WDCP: variants seen among roughly 807,000 people sequenced by gnomAD.
WDCP encodes WD repeat and coiled coil containing, also known as WD repeat and coiled-coil-containing protein.
WDCP carries 19 observed loss-of-function variants against 41.6 expected under a neutral mutation model. The ratio of observed to expected loss-of-function variants is 0.46; its 90% confidence interval spans 0.32 to 0.67. WDCP has a LOEUF of 0.67. Ranked by LOEUF, WDCP falls within the 30% of genes least tolerant of loss-of-function variation. The pLI is 0.04. For missense variants in WDCP, 802 were observed against 850.7 expected, an observed-to-expected ratio of 0.94 and a Z score of 0.71; for synonymous variants, 302 against 320.8, an observed-to-expected ratio of 0.94 and a Z score of 0.63.
In WDCP at chr2:24,029,574, T is replaced by G. The variant is rs1258373173; in HGVS notation, c.*1359A>C. The G allele has an allele frequency of 6.6e-6, 1 of 152,184 alleles. No individual in the cohort carries two copies. Among genetic ancestry groups the G allele is most frequent in the Non-Finnish European group, 1.5e-5 (1 of 68,024 alleles). The allele number at this position is 152,184 out of a possible 1,614,324, so 9.4% of individuals were successfully genotyped here. The stretch of plus-strand genomic sequence containing the variant: ...CTCTCCCACAGCTGATTACAGACAT[T>G]GCCTGTGCTTCCTACCCCAGCAGCT... On this transcript the variant is annotated 3_prime_UTR_variant, in exon 4 of 4. Coordinates refer to ENST00000295148, the MANE Select transcript of WDCP (RefSeq NM_025203.3).
intron 1 of WDCP, among the ~76,000 whole-genome samples, chr2:24,042,003 G>A (rs992384518): frequency 6.6e-6 from 1 of 152,000 alleles, no homozygotes; most frequent in African/African-American, 2.4e-5. Flanking sequence ...ACTGCCTCAG[G>A]AAAATTATAT....
chr2:24,044,143 C>A (rs10198429), intron 1 of WDCP, among the ~76,000 whole-genome samples: 128 of 152,246 alleles, frequency 8.4e-4, no homozygotes, highest in African/African-American at 3.0e-3. Flanking sequence ...CCAATTACAT[C>A]CAAGTCGATT....
At chr2:24,039,778 A>G (rs1663367519) in intron 1 of WDCP, among the ~76,000 whole-genome samples, 1 of 152,094 alleles carries the variant, frequency 6.6e-6, no homozygotes, top group South Asian at 2.1e-4. Context: ...ATATCAGAAA[A>G]TATTGTAGAG....
chr2:24,044,996 A>G (rs1663567425), intron 1 of WDCP, among the ~76,000 whole-genome samples: 2 of 152,316 alleles, frequency 1.3e-5, no homozygotes, highest in South Asian at 4.1e-4. Context: ...CTCTGATCAT[A>G]AAGGGCATGC....
At position 24,037,904 on chromosome 2, in the gene WDCP, G is replaced by T. The variant is rs775552056; in HGVS notation, c.1591C>A (p.Pro531Thr). The T allele has an allele frequency of 7.6e-5, 122 of 1,613,996 alleles. No individual in the cohort carries two copies. Among genetic ancestry groups the T allele is most frequent in the Admixed American group, 1.3e-4 (8 of 59,988 alleles). Residue 531 changes from proline to threonine, a missense_variant, in exon 2 of 4, where the codon CCA becomes ACA. This residue lies in a region of WDCP where 321 missense variants were observed against 305.1 expected (regional missense o/e 1.05). Coordinates refer to ENST00000295148, the MANE Select transcript of WDCP (RefSeq NM_025203.3). ...PASLPRHSST[P>T]DHTSTLEPPR... ...GGCTCCAGTGTGCTGGTGTGGTCTG[G>T]TGTGCTGCTGTGTCTGGGCAGCGAT...
rs375161885 is a variant in WDCP at position 24,037,626 on chromosome 2, C to T, written c.1818+51G>A. Reference sequence around the variant, plus strand: ...TCAATACGTTTCTTGCAGTACTCACCGGCTGCAGGAGCTTTTATGTATAGT... The same window carrying T: ...TCAATACGTTTCTTGCAGTACTCACTGGCTGCAGGAGCTTTTATGTATAGT... On this transcript the variant is annotated intron_variant, in intron 2 of 3. Coordinates refer to ENST00000295148, the MANE Select transcript of WDCP (RefSeq NM_025203.3). 8.2e-5 allele frequency: 124 copies of T among 1,519,192 alleles called. No individual in the cohort carries two copies. In the African/African-American group the frequency reaches 1.4e-3, roughly 17 times the overall value. The allele number at this position is 1,519,192 out of a possible 1,614,324, so 94.1% of individuals were successfully genotyped here.
At chr2:24,043,738 GAGTA>G (rs1663525013) in intron 1 of WDCP, among the ~76,000 whole-genome samples, 1 of 152,110 alleles carries the variant, frequency 6.6e-6, no homozygotes, top group African/African-American at 2.4e-5. Context: ...TTGTTTTACT[GAGTA>G]AGTGTCAAAG....
At chr2:24,040,557 T>TC (rs1663395095) in intron 1 of WDCP, among the ~76,000 whole-genome samples, 1 of 152,248 alleles carries the variant, frequency 6.6e-6, no homozygotes, top group African/African-American at 2.4e-5. Flanking sequence ...TACTTCTACT[T>TC]CATCTTATTC....
chr2:24,037,589 C>T (rs1663293341), intron 2 of WDCP, 88 bp downstream of exon 2: 22 of 1,356,884 alleles, frequency 1.6e-5, no homozygotes, highest in Non-Finnish European at 2.1e-5. Context: ...AGTTAGAGCA[C>T]CATCTTCCTC....
chr2:24,041,542 T>A (rs1303168997), intron 1 of WDCP, among the ~76,000 whole-genome samples: 3 of 152,046 alleles, frequency 2.0e-5, no homozygotes. Context: ...TAGCCAGGCA[T>A]GGTGGCTCAT....
chr2:24,031,628 C>T (rs1328092996), intron 3 of WDCP, among the ~76,000 whole-genome samples: 1 of 152,098 alleles, frequency 6.6e-6, no homozygotes, highest in East Asian at 1.9e-4. Context: ...AGATCGAGAC[C>T]ATCCTGGCTA....
Position 24,038,073 on chromosome 2 carries a change from T to C in WDCP, c.1422A>G (p.Gln474=), listed in dbSNP as rs184527844. The C allele has an allele frequency of 2.2e-5, 36 of 1,614,150 alleles. No homozygotes were observed. Among genetic ancestry groups the C allele is most frequent in the East Asian group, 2.2e-4 (10 of 44,886 alleles). ...IESLSPDFCH[Q]NKGLLLTVNT... ...TAACTGTCAGCAACAGCCCTTTGTT[T>C]TGGTGACAAAAATCTGGGGAAAGAC... Residue 474 remains glutamine (Q), a synonymous_variant, in exon 2 of 4, where the codon CAA becomes CAG. Transcript: ENST00000295148.
intron 3 of WDCP, among the ~76,000 whole-genome samples, chr2:24,031,363 A>G (rs902157594): frequency 6.6e-6 from 1 of 152,220 alleles, no homozygotes; most frequent in African/African-American, 2.4e-5. Flanking sequence ...AGGGGAAAAA[A>G]TGAAATGATA....
At chr2:24,032,633 A>G (rs1265096597) in intron 3 of WDCP, among the ~76,000 whole-genome samples, 196 bp downstream of exon 3, 1 of 152,010 alleles carries the variant, frequency 6.6e-6, no homozygotes, top group African/African-American at 2.4e-5. Context: ...GTGAGCTATG[A>G]TCACACCGAG....
chr2:24,034,492 T>G (rs1277161890), intron 2 of WDCP, among the ~76,000 whole-genome samples: 2 of 151,350 alleles, frequency 1.3e-5, no homozygotes, highest in Admixed American at 1.3e-4. Flanking sequence ...AATTCTATCC[T>G]CCAGAGATAA....
At chr2:24,034,194 G>A (rs1402874021) in intron 2 of WDCP, among the ~76,000 whole-genome samples, 2 of 152,108 alleles carry the variant, frequency 1.3e-5, no homozygotes, top group African/African-American at 4.8e-5. Flanking sequence ...GCCAAGGCGG[G>A]TGGATCACTT....
rs774062500 is a variant in WDCP at position 24,037,991 on chromosome 2, G to A, written c.1504C>T (p.Pro502Ser). 1 of 1,614,184 alleles carries A rather than the reference G, an allele frequency of 6.2e-7. No individual in the cohort carries two copies. Among genetic ancestry groups the A allele is most frequent in the Non-Finnish European group, 8.5e-7 (1 of 1,180,024 alleles). Residue 502 changes from proline (P) to serine (S), a missense_variant, in exon 2 of 4, where the codon CCT becomes TCT. Physicochemically the swap from Pro to Ser is moderately conservative, Grantham distance 74. Around this residue, in one of 5 missense-constraint regions of WDCP, gnomAD observed 321 missense variants for 305.1 expected, o/e 1.05. Transcript: ENST00000295148. ...GRTLIKEIQSPLSSICDGSIA... is the reference protein window; with the variant it reads ...GRTLIKEIQSSLSSICDGSIA... ...GAGCCATCACAGATACTAGACAGAG[G>A]ACTCTGGATTTCTTTAATAAGTGTT...
Position 24,038,657 on chromosome 2 carries a change from A to C in WDCP, c.838T>G (p.Leu280Val). The change falls in exon 2 of 4, where the codon TTA (leucine) becomes GTA (valine). Residue 280 changes from leucine (L) to valine (V), a missense_variant. This residue lies in a region of WDCP where 247 missense variants were observed against 240.5 expected (regional missense o/e 1.03). Coordinates refer to ENST00000295148, the MANE Select transcript of WDCP (RefSeq NM_025203.3). ...NSEVSVSSSY[L>V]EPLDLTHIHF... ...ATGTGAGTTAGATCCAGAGGTTCTA[A>C]ATAGGAAGAAGAAACTGATACTTCA... is the stretch of plus-strand genomic sequence containing the variant. 6.2e-7 allele frequency: 1 copy of C among 1,614,280 alleles called. No individual in the cohort carries two copies. Among genetic ancestry groups the C allele is most frequent in the Non-Finnish European group, 8.5e-7 (1 of 1,180,052 alleles).
rs774062500 is a variant in WDCP, at chr2:24,037,991, G to T, written c.1504C>A (p.Pro502Thr). ...GAGCCATCACAGATACTAGACAGAG[G>T]ACTCTGGATTTCTTTAATAAGTGTT... ...GRTLIKEIQS[P>T]LSSICDGSIA... The change falls in exon 2 of 4, where the codon CCT becomes ACT. Residue 502 changes from proline to threonine, a missense_variant. Physicochemically the swap from Pro to Thr is conservative, Grantham distance 38 (BLOSUM62 -1). Coordinates refer to ENST00000295148, the MANE Select transcript of WDCP (RefSeq NM_025203.3). 3 of 1,614,184 alleles carry T rather than the reference G, an allele frequency of 1.9e-6. No individual in the cohort carries two copies. Among genetic ancestry groups the T allele is most frequent in the Admixed American group, 1.7e-5 (1 of 60,020 alleles).
Sources: allele counts gnomAD v4.1 joint callset (sites outside exome capture counted in the v4.1 genomes callset), GRCh38; gene constraint gnomAD v4.1.1; regional missense constraint gnomAD v4.1.1; transcripts MANE v1.5; gene names NCBI Gene and HGNC (gene_info 2026-07-23, HGNC 2026-07-21).